The following IREB2 variants were observed in gnomAD, a reference collection of about 807,000 sequenced individuals.
IREB2 encodes iron responsive element binding protein 2.
Under a neutral mutation model 118.8 loss-of-function variants are expected in IREB2, and 39 were observed. That is an observed-to-expected ratio of 0.33 (90% CI 0.25 to 0.43). IREB2 has a LOEUF of 0.43. Among genes scored for constraint, IREB2 ranks in the 20% least tolerant of loss-of-function variants. The pLI is 1.00. For synonymous variants in IREB2, 372 were observed against 392.2 expected (o/e 0.95, Z 0.61); for missense variants, 900 against 1,147.3 (o/e 0.78, Z 3.11).
At chr15:78,452,074 A>G (rs1269425326) in intron 2 of IREB2, among the ~76,000 whole-genome samples, 3 of 152,194 alleles carry the variant, frequency 2.0e-5, no homozygotes, top group East Asian at 1.9e-4. Context: ...AAATCACAGT[A>G]TAGGGTTGGG....
In IREB2 at chr15:78,487,739, A is replaced by T; in HGVS notation, c.1716A>T (p.Glu572Asp). The T allele has an allele frequency of 6.3e-7, 1 of 1,590,284 alleles. No homozygotes were observed. The change falls in exon 14 of 22, where the codon GAA becomes GAT. Residue 572 changes from glutamate (E) to aspartate (D), a missense_variant. Coordinates refer to ENST00000258886, the MANE Select transcript of IREB2 (RefSeq NM_004136.4). ...CTTTTTTTTTGAAATGCAGATTTGAAATCGTTGGCTATGGATGTTCAATTT... is the reference window on the plus strand; with the variant it reads ...CTTTTTTTTTGAAATGCAGATTTGATATCGTTGGCTATGGATGTTCAATTT... ...VLPYLSKLGF[E>D]IVGYGCSICV...
At chr15:78,451,771 C>T (rs191178002) in intron 2 of IREB2, among the ~76,000 whole-genome samples, 2 of 152,168 alleles carry the variant, frequency 1.3e-5, no homozygotes, top group African/African-American at 4.8e-5. Context: ...CTCACTGCAA[C>T]CTCTGCCTCT....
intron 18 of IREB2, 27 bp downstream of exon 18, chr15:78,490,788 T>C (rs1294839965): frequency 1.9e-6 from 3 of 1,601,454 alleles, no homozygotes; most frequent in Admixed American, 1.8e-5. Flanking sequence ...TTAGAGTGTT[T>C]TTGTTTTTTC....
Position 78,484,762 on chromosome 15 carries a change from T to C in IREB2, c.1415T>C (p.Val472Ala). ...SDFQACLNEK[V>A]GFKGFQIAAE... ...ATATTTTTGTGGAAATTTGTATAGG[T>C]TGGATTTAAAGGCTTCCAAATTGCA... The change falls in exon 12 of 22, where the codon GTT becomes GCT. Residue 472 changes from valine (V) to alanine (A), a missense_variant and splice_region_variant. Transcript: ENST00000258886. The C allele has an allele frequency of 6.2e-7, 1 of 1,610,846 alleles. No individual in the cohort carries two copies.
rs758031526 is a variant in IREB2, at chr15:78,494,272, A to G, written c.2595+8A>G. On this transcript the variant is annotated splice_region_variant and intron_variant, in intron 20 of 21. Transcript: ENST00000258886. ...AAAGGACCGTATTTACTGGTATTGA[A>G]TCTTAAAATTTATCATCTTAAGCTT... is the stretch of plus-strand genomic sequence containing the variant. 1.2e-6 allele frequency: 2 copies of G among 1,607,816 alleles called. No homozygotes were observed. Among genetic ancestry groups the G allele is most frequent in the Admixed American group, 1.7e-5 (1 of 57,710 alleles).
intron 7 of IREB2, among the ~76,000 whole-genome samples, chr15:78,472,778 T>A (rs1486208302): frequency 1.3e-5 from 2 of 152,226 alleles, no homozygotes; most frequent in Non-Finnish European, 2.9e-5. Context: ...CATCCAAGAC[T>A]GGCCTCAGTT....
chr15:78,495,944 G>T (rs1034476185), intron 20 of IREB2, among the ~76,000 whole-genome samples: 2 of 152,160 alleles, frequency 1.3e-5, no homozygotes, highest in East Asian at 3.9e-4. Flanking sequence ...TAGAGCCTTT[G>T]GCTCATTTTT....
chr15:78,480,995 C>G (rs541318042), intron 10 of IREB2, among the ~76,000 whole-genome samples: 1 of 149,794 alleles, frequency 6.7e-6, no homozygotes, highest in Admixed American at 6.7e-5. Flanking sequence ...GGCAACAGAG[C>G]GAGACTCTGT....
At chr15:78,488,461 A>G (rs994469490) in intron 15 of IREB2, 125 bp downstream of exon 15, 8 of 981,566 alleles carry the variant, frequency 8.2e-6, no homozygotes, top group Non-Finnish European at 1.2e-5. Flanking sequence ...ATGATAATGT[A>G]TAGTTATTAA....
rs183120814 is a variant in IREB2, at chr15:78,483,244, A to G, written c.1297-74A>G. On this transcript the variant is annotated intron_variant, in intron 10 of 21. Coordinates refer to ENST00000258886, the MANE Select transcript of IREB2 (RefSeq NM_004136.4). ...CGAATATACTTACTCTGCTTTAGAA[A>G]GTAATGCTTCAATTGGAATCTGTCG... The G allele has an allele frequency of 8.3e-6, 6 of 722,720 alleles. No homozygotes were observed. The African/African-American group carries it at 8.8e-5, about 11-fold the overall frequency. 44.8% of individuals were successfully genotyped at this position (722,720 alleles called of 1,614,324 possible).
intron 2 of IREB2, among the ~76,000 whole-genome samples, chr15:78,450,308 A>T (rs2051001957): frequency 6.6e-6 from 1 of 152,262 alleles, no homozygotes; most frequent in Admixed American, 6.5e-5. Context: ...CATAATTATT[A>T]ACTATGGTAA....
intron 2 of IREB2, among the ~76,000 whole-genome samples, chr15:78,452,754 A>C (rs1483305796): frequency 6.6e-6 from 1 of 152,190 alleles, no homozygotes; most frequent in East Asian, 1.9e-4. Context: ...TTTTAAAAAA[A>C]TGAAAAAGAA....
At chr15:78,489,319 A>T (rs892997713) in intron 16 of IREB2, among the ~76,000 whole-genome samples, 19 of 152,150 alleles carry the variant, frequency 1.2e-4, no homozygotes, top group Non-Finnish European at 2.1e-4. Context: ...GCACACATTT[A>T]CCTATGTAAC....
chr15:78,477,199 A>G (rs575939117), intron 9 of IREB2, among the ~76,000 whole-genome samples: 3 of 152,326 alleles, frequency 2.0e-5, no homozygotes, highest in African/African-American at 7.2e-5. Flanking sequence ...TTCCTTGCAT[A>G]TTAATCTTGA....
Position 78,471,762 on chromosome 15 carries a change from A to G in IREB2, c.721A>G (p.Asn241Asp). The stretch of plus-strand genomic sequence containing the variant: ...ATAGTGGAGTTCAAGAGTTTTTAAG[A>G]ATGTGGCAGTGATCCCTCCTGGAAC... ...FFKWSSRVFK[N>D]VAVIPPGTGM... is the part of the protein sequence containing the mutation. The change falls in exon 7 of 22, where the codon AAT becomes GAT. Residue 241 changes from asparagine (N) to aspartate (D), a missense_variant. Asn to Asp is a conservative substitution (Grantham distance 23). Transcript: ENST00000258886. 1 of 1,603,446 alleles carries G rather than the reference A, an allele frequency of 6.2e-7. No individual in the cohort carries two copies. The highest frequency in any genetic ancestry group is 8.5e-7 in the Non-Finnish European group (1 of 1,175,468).
Position 78,446,804 on chromosome 15 carries a change from C to T in IREB2, c.106+6923C>T, listed in dbSNP as rs1346358435. On this transcript the variant is annotated intron_variant, in intron 2 of 21. Coordinates refer to ENST00000258886, the MANE Select transcript of IREB2 (RefSeq NM_004136.4). The stretch of plus-strand genomic sequence containing the variant: ...CTGCTGTAGCCAAGGAGGCCACAGG[C>T]CACCGAGAACTGTAGCAGTTTGGAC... Among the ~76,000 whole-genome samples the T allele has an allele frequency of 2.0e-5, 3 of 152,074 alleles. No individual in the cohort carries two copies. In the East Asian group the frequency reaches 5.8e-4, roughly 29 times the overall value.
At position 78,488,306 on chromosome 15, in the gene IREB2, G is replaced by A. The variant is rs1234051434; in HGVS notation, c.1921G>A (p.Val641Met). Residue 641 changes from valine to methionine, a missense_variant, in exon 15 of 22, where the codon GTG becomes ATG. Physicochemically the swap from Val to Met is conservative, Grantham distance 21. Coordinates refer to ENST00000258886, the MANE Select transcript of IREB2 (RefSeq NM_004136.4). ...GGTAGCTTATGCCATAGCAGGCACA[G>A]TGAATATAGATTTCCAGACAGAACC... Reference protein sequence around the residue: ...LVVAYAIAGTVNIDFQTEPLG... With the variant: ...LVVAYAIAGTMNIDFQTEPLG... The A allele has an allele frequency of 6.2e-7, 1 of 1,605,232 alleles. No homozygotes were observed. The highest frequency in any genetic ancestry group is 2.3e-5 in the East Asian group (1 of 44,340).
At chr15:78,466,806 A>G (rs1399987268) in intron 5 of IREB2, among the ~76,000 whole-genome samples, 4 of 152,190 alleles carry the variant, frequency 2.6e-5, no homozygotes, top group Admixed American at 2.6e-4. Context: ...TTATTTTAGT[A>G]TATTTGTACC....
At chr15:78,482,904 C>T (rs561224890) in intron 10 of IREB2, among the ~76,000 whole-genome samples, 15 of 152,220 alleles carry the variant, frequency 9.9e-5, no homozygotes, top group African/African-American at 2.9e-4. Flanking sequence ...CCCACCACCA[C>T]GCCCGGCTAA....
Sources: gnomAD v4.1 joint callset for allele counts (sites outside exome capture counted in the v4.1 genomes callset) on GRCh38, gnomAD v4.1.1 for gene constraint, MANE v1.5 for transcripts, NCBI Gene and HGNC (gene_info 2026-07-23, HGNC 2026-07-21) for gene names.